Variants in ARMC2 observed in about 807,000 individuals in gnomAD.
ARMC2 encodes armadillo repeat-containing protein 2.
Under a neutral mutation model 90.3 loss-of-function variants are expected in ARMC2, and 67 were observed. That is an observed-to-expected ratio of 0.74 (90% CI 0.61 to 0.91). The LOEUF is 0.91. Among genes scored for constraint, ARMC2 ranks in the 40% least tolerant of loss-of-function variants. The pLI, the probability that ARMC2 is intolerant of heterozygous loss-of-function variation, is 0.00. For missense variants in ARMC2, 920 were observed against 1,030.9 expected (o/e 0.89, Z 1.47); for synonymous variants, 393 against 393.0 (o/e 1.00, Z 0.00).
At chr6:108,869,594 T>A (rs1418520515) in intron 4 of ARMC2, among the ~76,000 whole-genome samples, 2 of 152,176 alleles carry the variant, frequency 1.3e-5, no homozygotes, top group Non-Finnish European at 2.9e-5. Context: ...AAATTAGAGT[T>A]CAAAAAGTTG....
the ARMC2 span, among the ~76,000 whole-genome samples, chr6:109,030,091 C>T: frequency 6.6e-6 from 1 of 152,112 alleles, no homozygotes; most frequent in Admixed American, 6.5e-5. Context: ...CTTTTCGAGA[C>T]ACCTGGGTCT....
the ARMC2 span, among the ~76,000 whole-genome samples, chr6:109,029,902 T>C: frequency 2.6e-5 from 4 of 152,200 alleles, no homozygotes; most frequent in African/African-American, 4.8e-5. Flanking sequence ...AATTACGTTA[T>C]ATTTTGCTGA....
chr6:108,966,739 G>A (rs1367256223), intron 17 of ARMC2, among the ~76,000 whole-genome samples: 1 of 152,026 alleles, frequency 6.6e-6, no homozygotes, highest in Non-Finnish European at 1.5e-5. Flanking sequence ...GTTCTCGATG[G>A]TGGTAGAGCA....
intron 13 of ARMC2, among the ~76,000 whole-genome samples, chr6:108,958,988 C>A (rs1246511838): frequency 6.6e-6 from 1 of 152,208 alleles, no homozygotes; most frequent in Admixed American, 6.5e-5. Flanking sequence ...TCCTGTGTCC[C>A]TTCTTTTACC....
intron 3 of ARMC2, among the ~76,000 whole-genome samples, chr6:108,868,097 T>C (rs1776009594): frequency 6.6e-6 from 1 of 152,228 alleles, no homozygotes; most frequent in Non-Finnish European, 1.5e-5. Flanking sequence ...ATGTACCACT[T>C]ACATTCCACA....
chr6:108,962,069 T>A lies in ARMC2; in HGVS notation c.2094T>A (p.Arg698=). 1 of 1,613,682 alleles carries A rather than the reference T, an allele frequency of 6.2e-7. No homozygotes were observed. Among genetic ancestry groups the A allele is most frequent in the Non-Finnish European group, 8.5e-7 (1 of 1,179,788 alleles). ...TGGATGGAATCCTGGAGGCTGTGCG[T>A]GTTTTCGGAAATCTCTCCCAGGACC... The part of the protein sequence containing the change: ...NNMDGILEAV[R]VFGNLSQDHD... Residue 698 remains arginine (R), a synonymous_variant, in exon 15 of 18, where the codon CGT becomes CGA. Transcript: ENST00000392644.
chr6:108,946,684 C>T (rs998530958), intron 12 of ARMC2, among the ~76,000 whole-genome samples: 4 of 152,140 alleles, frequency 2.6e-5, no homozygotes, highest in African/African-American at 7.2e-5. Flanking sequence ...ATAGAGAGTT[C>T]GGATTTTAAG....
At chr6:108,965,283 A>G in intron 17 of ARMC2, 143 bp downstream of exon 17, 1 of 739,432 alleles carries the variant, frequency 1.4e-6, no homozygotes, top group East Asian at 2.7e-5. Flanking sequence ...AGATTACTAT[A>G]ATTTGGAACT....
chr6:108,875,352 A>G (rs1776830810), intron 4 of ARMC2, among the ~76,000 whole-genome samples: 1 of 151,498 alleles, frequency 6.6e-6, no homozygotes, highest in African/African-American at 2.4e-5. Flanking sequence ...TCCACCCCTC[A>G]CCCCTCTAAT....
At chr6:108,850,288 C>G (rs1773873038) in intron 1 of ARMC2, among the ~76,000 whole-genome samples, 1 of 152,214 alleles carries the variant, frequency 6.6e-6, no homozygotes, top group African/African-American at 2.4e-5. Context: ...AACTCAGCCT[C>G]TTTCTTCTTT....
At chr6:109,016,281 T>G in the ARMC2 span, among the ~76,000 whole-genome samples, 209 of 152,358 alleles carry the variant, frequency 1.4e-3, no homozygotes, top group African/African-American at 4.8e-3. Context: ...ACAGCTATCC[T>G]GCCTTCCCTA....
chr6:108,946,124 C>T (rs574054370), intron 12 of ARMC2, among the ~76,000 whole-genome samples: 2 of 152,220 alleles, frequency 1.3e-5, no homozygotes, highest in Non-Finnish European at 2.9e-5. Flanking sequence ...CAGCTCCTGC[C>T]GGCTTTGCCC....
intron 17 of ARMC2, among the ~76,000 whole-genome samples, chr6:108,970,717 T>G (rs1778705927): frequency 6.6e-6 from 1 of 151,470 alleles, no homozygotes; most frequent in Non-Finnish European, 1.5e-5. Flanking sequence ...AGGTTGATCT[T>G]GAACTCCTGA....
the ARMC2 span, among the ~76,000 whole-genome samples, chr6:109,012,858 T>C: frequency 6.6e-6 from 1 of 152,142 alleles, no homozygotes; most frequent in Non-Finnish European, 1.5e-5. Flanking sequence ...CTTACGCCTG[T>C]AATTCCAGCA....
chr6:109,007,919 A>C, the ARMC2 span, among the ~76,000 whole-genome samples: 1 of 151,998 alleles, frequency 6.6e-6, no homozygotes, highest in African/African-American at 2.4e-5. Flanking sequence ...CGTTTCTTGA[A>C]AGTGTTTAAT....
At chr6:109,040,581 T>C in the ARMC2 span, among the ~76,000 whole-genome samples, 2 of 152,192 alleles carry the variant, frequency 1.3e-5, no homozygotes, top group South Asian at 2.1e-4. Context: ...ACAGGAATTC[T>C]TGGTGTCGCT....
chr6:108,959,728 C>T (rs1460190536), intron 13 of ARMC2, among the ~76,000 whole-genome samples: 7 of 151,986 alleles, frequency 4.6e-5, no homozygotes, highest in East Asian at 1.9e-4. Context: ...CTCTGTCACC[C>T]GGACTGGAGT....
At chr6:109,002,290 G>A in the ARMC2 span, 1 of 1,613,276 alleles carries the variant, frequency 6.2e-7, no homozygotes, top group East Asian at 2.2e-5. Flanking sequence ...CCTTTTCTGG[G>A]ATGAATCTGC....
intron 10 of ARMC2, among the ~76,000 whole-genome samples, chr6:108,926,921 C>CTTT (rs34646224): frequency 4.3e-5 from 6 of 138,082 alleles, no homozygotes; most frequent in African/African-American, 5.6e-5. Context: ...TTATTTGAAG[C>CTTT]TTTTTTTTTT....
Sources: gnomAD v4.1 joint callset for allele counts (sites outside exome capture counted in the v4.1 genomes callset) on GRCh38, gnomAD v4.1.1 for gene constraint, MANE v1.5 for transcripts, NCBI Gene and HGNC (gene_info 2026-07-23, HGNC 2026-07-21) for gene names.